Variants in KCNK2 observed in about 807,000 individuals in gnomAD.
KCNK2 encodes the protein potassium channel subfamily K member 2.
KCNK2 carries 21 observed loss-of-function variants against 40.5 expected under a neutral mutation model. The observed-to-expected ratio is 0.52, with a 90% CI of 0.37 to 0.75. The LOEUF is 0.75. Ranked by LOEUF, KCNK2 falls within the 30% of genes least tolerant of loss-of-function variation. KCNK2 has a pLI of 0.00. For synonymous variants in KCNK2, 191 were observed against 202.2 expected (o/e 0.94, Z 0.47); for missense variants, 399 against 531.6 (o/e 0.75, Z 2.45).
chr1:215,007,037 A>ATATATATATATGTGTGTG (rs1330420661), intron 1 of KCNK2, among the ~76,000 whole-genome samples: 6 of 51,588 alleles, frequency 1.2e-4, no homozygotes, highest in African/African-American at 3.7e-4. Context: ...ATATATATAT[A>ATATATATATATGTGTGTG]TGTGTGTGTG....
intron 3 of KCNK2, among the ~76,000 whole-genome samples, chr1:215,132,267 A>G (rs1661710282): frequency 6.6e-6 from 1 of 152,196 alleles, no homozygotes; most frequent in South Asian, 2.1e-4. Flanking sequence ...CTGAACTTGG[A>G]AATGAATGGA....
chr1:215,191,977 G>A (rs1026495216), intron 5 of KCNK2, among the ~76,000 whole-genome samples: 3 of 152,084 alleles, frequency 2.0e-5, no homozygotes, highest in Admixed American at 6.5e-5. Flanking sequence ...AATTACACTC[G>A]ATTCTTAGTA....
chr1:215,127,607 A>G (rs1261171746), intron 3 of KCNK2, among the ~76,000 whole-genome samples: 3 of 152,192 alleles, frequency 2.0e-5, no homozygotes, highest in Non-Finnish European at 4.4e-5. Context: ...TGCCAGCAGC[A>G]TTGCAGAAAC....
rs912029902 is a variant in KCNK2, at chr1:215,169,296, A to G, written c.573A>G (p.Gly191=). ...CCCTCTTTGGTTTTCTCTTGGCTGG[A>G]GTTGGAGATCAGCTAGGCACCATAT... ...GIPLFGFLLA[G]VGDQLGTIFG... Residue 191 remains glycine (G), a synonymous_variant, in exon 4 of 7, where the codon GGA becomes GGG. Transcript: ENST00000444842. The G allele has an allele frequency of 6.2e-7, 1 of 1,613,308 alleles. No individual in the cohort carries two copies. Among genetic ancestry groups the G allele is most frequent in the Non-Finnish European group, 8.5e-7 (1 of 1,179,564 alleles).
intron 3 of KCNK2, among the ~76,000 whole-genome samples, chr1:215,125,515 A>G (rs1414343975): frequency 2.0e-5 from 3 of 151,974 alleles, no homozygotes; most frequent in Non-Finnish European, 4.4e-5. Flanking sequence ...CACAGACCCC[A>G]CAGTGAAAGC....
intron 3 of KCNK2, among the ~76,000 whole-genome samples, chr1:215,128,004 T>C (rs917629436): frequency 6.6e-6 from 1 of 152,194 alleles, no homozygotes; most frequent in African/African-American, 2.4e-5. Flanking sequence ...CTTTAAGTTG[T>C]ACATAGATCA....
Position 215,169,257 on chromosome 1 carries a change from C to T in KCNK2, c.534C>T (p.Ala178=), listed in dbSNP as rs780471245. Residue 178 remains alanine, a synonymous_variant, in exon 4 of 7, where the codon GCC becomes GCT. Transcript: ENST00000444842. Reference sequence around the variant, plus strand: ...GCAAAATATTCTGTATCATCTATGCCTTACTGGGAATTCCCCTCTTTGGTT... The same window carrying T: ...GCAAAATATTCTGTATCATCTATGCTTTACTGGGAATTCCCCTCTTTGGTT... The part of the protein sequence containing the change: ...EGGKIFCIIY[A]LLGIPLFGFL... 11 of 1,613,176 alleles carry T rather than the reference C, an allele frequency of 6.8e-6. No individual in the cohort carries two copies. The East Asian group carries it at 2.5e-4, about 36-fold the overall frequency.
At chr1:215,176,472 T>C (rs550088529) in intron 5 of KCNK2, among the ~76,000 whole-genome samples, 1 of 152,176 alleles carries the variant, frequency 6.6e-6, no homozygotes, top group East Asian at 1.9e-4. Context: ...TATTAGCTAT[T>C]CTTCCTGTTG....
intron 2 of KCNK2, among the ~76,000 whole-genome samples, chr1:215,093,770 A>T (rs12080821): frequency 0.12 from 1,759 of 14,448 alleles, 164 homozygotes; most frequent in African/African-American, 0.18. Context: ...ATATAATATA[A>T]AATATATTAT....
At chr1:215,063,734 G>A (rs140061746) in intron 1 of KCNK2, among the ~76,000 whole-genome samples, 126 of 152,308 alleles carry the variant, frequency 8.3e-4, no homozygotes, top group African/African-American at 3.0e-3. Context: ...GAGAATAGAA[G>A]AGAGGCATAA....
intron 6 of KCNK2, among the ~76,000 whole-genome samples, chr1:215,198,340 A>G (rs1255950379): frequency 1.3e-5 from 2 of 152,134 alleles, no homozygotes; most frequent in African/African-American, 4.8e-5. Flanking sequence ...ATTGGAGTAG[A>G]TATGTGTATT....
At chr1:215,178,177 T>A (rs1273435956) in intron 5 of KCNK2, among the ~76,000 whole-genome samples, 1 of 152,128 alleles carries the variant, frequency 6.6e-6, no homozygotes. Context: ...ATGTTATTGG[T>A]ATACAAAATG....
chr1:215,171,723 G>T (rs1440346772), intron 4 of KCNK2, among the ~76,000 whole-genome samples: 1 of 152,052 alleles, frequency 6.6e-6, no homozygotes, highest in African/African-American at 2.4e-5. Flanking sequence ...TTCACCTGTT[G>T]TAAAGCTATG....
chr1:215,213,782 C>T (rs73080092), intron 6 of KCNK2, among the ~76,000 whole-genome samples: 3 of 152,080 alleles, frequency 2.0e-5, no homozygotes, highest in African/African-American at 4.8e-5. Flanking sequence ...GCTTGTGGAT[C>T]GCCCCACCTT....
intron 2 of KCNK2, among the ~76,000 whole-genome samples, chr1:215,107,936 C>A (rs1005680902): frequency 3.3e-5 from 5 of 152,150 alleles, no homozygotes; most frequent in African/African-American, 1.2e-4. Flanking sequence ...CAGTTCTCAA[C>A]CTTTTTGGCA....
chr1:215,158,649 C>T (rs765629899), intron 3 of KCNK2, among the ~76,000 whole-genome samples: 5 of 152,156 alleles, frequency 3.3e-5, no homozygotes, highest in African/African-American at 4.8e-5. Context: ...ACTCTAAAGA[C>T]ATTTGCCATC....
At chr1:215,034,884 C>T (rs1191592706) in intron 1 of KCNK2, among the ~76,000 whole-genome samples, 1 of 152,084 alleles carries the variant, frequency 6.6e-6, no homozygotes, top group Non-Finnish European at 1.5e-5. Flanking sequence ...TTAAAATATA[C>T]ATGCATTCAT....
intron 2 of KCNK2, among the ~76,000 whole-genome samples, chr1:215,114,999 G>A (rs1213016481): frequency 1.3e-4 from 2 of 15,914 alleles, no homozygotes; most frequent in Non-Finnish European, 6.0e-4. Context: ...TGTCAGGTGT[G>A]TGTGTGTGTG....
chr1:215,061,039 C>T (rs914130550), intron 1 of KCNK2, among the ~76,000 whole-genome samples: 3 of 151,978 alleles, frequency 2.0e-5, no homozygotes, highest in Non-Finnish European at 2.9e-5. Flanking sequence ...ATATAATATA[C>T]AACAACATAT....
Sources: allele counts gnomAD v4.1 joint callset (sites outside exome capture counted in the v4.1 genomes callset), GRCh38; gene constraint gnomAD v4.1.1; transcripts MANE v1.5; gene names NCBI Gene and HGNC (gene_info 2026-07-23, HGNC 2026-07-21).